Variants in STARD13 observed in about 807,000 individuals in gnomAD.
STARD13 encodes StAR related lipid transfer domain containing 13.
In STARD13, 62 loss-of-function variants were observed where a neutral mutation model predicts 106.4. The ratio of observed to expected loss-of-function variants is 0.58; its 90% CI spans 0.48 to 0.72. The LOEUF (loss-of-function observed/expected upper bound fraction) is 0.72. Among genes scored for constraint, STARD13 ranks in the 30% least tolerant of loss-of-function variants. The probability of loss-of-function intolerance (pLI) is 0.00; values close to 1 mark genes in which losing one functional copy is unlikely to be tolerated. For synonymous variants in STARD13, 565 were observed against 553.0 expected (o/e 1.02, Z -0.31); for missense variants, 1,387 against 1,424.0 (o/e 0.97, Z 0.42).
At chr13:33,495,679 T>C in the STARD13 span, among the ~76,000 whole-genome samples, 1 of 151,766 alleles carries the variant, frequency 6.6e-6, no homozygotes, top group Non-Finnish European at 1.5e-5. Context: ...AATTGTTTTG[T>C]ATTACTCTCT....
At chr13:33,106,269 A>C (rs1371966734) in intron 13 of STARD13, among the ~76,000 whole-genome samples, 2 of 152,136 alleles carry the variant, frequency 1.3e-5, no homozygotes, top group Non-Finnish European at 2.9e-5. Flanking sequence ...AAACATACAA[A>C]AATTAGCTGA....
chr13:33,662,084 A>G, the STARD13 span, among the ~76,000 whole-genome samples: 18 of 152,078 alleles, frequency 1.2e-4, no homozygotes, highest in African/African-American at 4.3e-4. Flanking sequence ...AACACGGTGA[A>G]ACCCCGTCTC....
rs1346065885 is a variant in STARD13, at chr13:33,257,927, A to G, written c.169+27543T>C. Among the ~76,000 whole-genome samples the G allele has an allele frequency of 2.6e-5, 4 of 152,376 alleles. No individual in the cohort carries two copies. The East Asian group carries it at 7.7e-4, about 29-fold the overall frequency. ...CAGCTGAGACTCATAAATGGAGATT[A>G]TATGACACATAACAAGTGACAGGTT... On this transcript the variant is annotated intron_variant, in intron 1 of 13. Coordinates refer to ENST00000336934, the MANE Select transcript of STARD13 (RefSeq NM_178006.4).
chr13:33,609,541 A>C, the STARD13 span, among the ~76,000 whole-genome samples: 3 of 151,430 alleles, frequency 2.0e-5, no homozygotes, highest in African/African-American at 7.3e-5. Context: ...CCTATGGCCC[A>C]GGAATTCTAC....
In STARD13 at chr13:33,128,943, C is replaced by T. The variant is rs146151872; in HGVS notation, c.1734G>A (p.Leu578=). The T allele has an allele frequency of 6.2e-7, 1 of 1,611,674 alleles. No homozygotes were observed. The highest frequency in any genetic ancestry group is 1.1e-5 in the South Asian group (1 of 90,482). The change falls in exon 5 of 14, where the codon CTG becomes CTA. Residue 578 remains leucine (L), a synonymous_variant. Coordinates refer to ENST00000336934, the MANE Select transcript of STARD13 (RefSeq NM_178006.4). ...ATGCCACCTACCTGTTTGGCCTGGTCAGAGAGGCCCCTACACCAGAATCCC... is the reference window on the plus strand; with the variant it reads ...ATGCCACCTACCTGTTTGGCCTGGTTAGAGAGGCCCCTACACCAGAATCCC... ...DRRDSGVGAS[L]TRPNRRLRWN...
chr13:33,165,762 G>A (rs1222682959), intron 2 of STARD13, among the ~76,000 whole-genome samples: 2 of 152,142 alleles, frequency 1.3e-5, no homozygotes, highest in East Asian at 3.8e-4. Flanking sequence ...GTAGGTCACT[G>A]GCGTCTATCT....
intron 1 of STARD13, among the ~76,000 whole-genome samples, chr13:33,332,548 G>T (rs2077848372): frequency 6.6e-6 from 1 of 152,068 alleles, no homozygotes; most frequent in Non-Finnish European, 1.5e-5. Context: ...ACTGCAAAAT[G>T]GTCCTTTTTA....
chr13:33,552,974 A>G, the STARD13 span, among the ~76,000 whole-genome samples: 1 of 152,328 alleles, frequency 6.6e-6, no homozygotes, highest in Middle Eastern at 3.4e-3. Flanking sequence ...ACTGAACCAT[A>G]TTTTAAAGCT....
chr13:33,178,173 A>G (rs1203383155), intron 1 of STARD13, among the ~76,000 whole-genome samples: 8 of 152,212 alleles, frequency 5.3e-5, no homozygotes, highest in Non-Finnish European at 8.8e-5. Context: ...TCTATTTTAC[A>G]TAATCTTTAA....
Position 33,218,089 on chromosome 13 carries a change from C to T in STARD13, c.170-50467G>A, listed in dbSNP as rs569009044. Among the ~76,000 whole-genome samples, 6 of 152,278 alleles carry T rather than the reference C, an allele frequency of 3.9e-5. No homozygotes were observed. The South Asian group carries it at 8.3e-4, about 21-fold the overall frequency. ...GATTTCAATGGTGTCAAAAGTTACACGGAAGTAGCCAACTTTTTACTGTAT... is the reference window on the plus strand; with the variant it reads ...GATTTCAATGGTGTCAAAAGTTACATGGAAGTAGCCAACTTTTTACTGTAT... On this transcript the variant is annotated intron_variant, in intron 1 of 13. Transcript: ENST00000336934.
intron 3 of STARD13, among the ~76,000 whole-genome samples, chr13:33,159,308 A>G (rs1882356491): frequency 6.6e-6 from 1 of 152,204 alleles, no homozygotes; most frequent in South Asian, 2.1e-4. Context: ...CATGAATTGT[A>G]CTTGCTCATC....
intron 1 of STARD13, 58 bp downstream of exon 1, chr13:33,285,412 T>C: frequency 1.3e-6 from 2 of 1,543,876 alleles, no homozygotes; most frequent in African/African-American, 1.4e-5. Context: ...TGGGTTAGCA[T>C]GAAATAGAGC....
chr13:33,121,669 C>CTTTTTTT (rs398022242), intron 7 of STARD13, among the ~76,000 whole-genome samples: 20 of 110,456 alleles, frequency 1.8e-4, no homozygotes, highest in Non-Finnish European at 2.6e-4. Flanking sequence ...GTTGTTCATC[C>CTTTTTTT]TTTTTTTTTT....
chr13:33,538,794 G>T, the STARD13 span, among the ~76,000 whole-genome samples: 1 of 150,700 alleles, frequency 6.6e-6, no homozygotes, highest in East Asian at 1.9e-4. Flanking sequence ...TTTTGAGACG[G>T]AGTCTGGCTC....
intron 8 of STARD13, among the ~76,000 whole-genome samples, chr13:33,113,376 A>G (rs1313078080): frequency 6.6e-6 from 1 of 152,122 alleles, no homozygotes; most frequent in South Asian, 2.1e-4. Flanking sequence ...ACATGGTTTG[A>G]AAACCACTGG....
At chr13:33,542,921 C>T in the STARD13 span, among the ~76,000 whole-genome samples, 2 of 152,184 alleles carry the variant, frequency 1.3e-5, no homozygotes, top group Non-Finnish European at 2.9e-5. Flanking sequence ...GCTTTCCTTT[C>T]TCCCGCCCTG....
intron 3 of STARD13, among the ~76,000 whole-genome samples, chr13:33,156,526 C>T (rs1402787654): frequency 6.6e-6 from 1 of 152,058 alleles, no homozygotes; most frequent in Non-Finnish European, 1.5e-5. Flanking sequence ...TTTAAAAAAA[C>T]TAAAAGTTCA....
the STARD13 span, among the ~76,000 whole-genome samples, chr13:33,624,919 A>G: frequency 3.3e-5 from 5 of 152,320 alleles, no homozygotes; most frequent in Non-Finnish European, 4.4e-5. Context: ...TAAAAGTGGT[A>G]CTTCCTTCCA....
intron 1 of STARD13, among the ~76,000 whole-genome samples, chr13:33,187,668 T>A (rs1038384066): frequency 1.3e-5 from 2 of 152,174 alleles, no homozygotes; most frequent in South Asian, 2.1e-4. Flanking sequence ...ATCTTTTTTT[T>A]AAAAGAAAAA....
Sources: gnomAD v4.1 joint callset for allele counts (sites outside exome capture counted in the v4.1 genomes callset) on GRCh38, gnomAD v4.1.1 for gene constraint, MANE v1.5 for transcripts, NCBI Gene and HGNC (gene_info 2026-07-23, HGNC 2026-07-21) for gene names.